Variants in CORO2A observed in about 807,000 individuals in gnomAD.
CORO2A encodes coronin 2A.
In CORO2A, 47 loss-of-function variants were observed where a neutral mutation model predicts 62.4. That is an observed-to-expected ratio of 0.75 (90% CI 0.60 to 0.96). The LOEUF is 0.96. Ranked by LOEUF, CORO2A falls within the 40% of genes least tolerant of loss-of-function variation. The pLI, the probability that CORO2A is intolerant of heterozygous loss-of-function variation, is 0.00. For synonymous variants in CORO2A, 273 were observed against 268.9 expected, an observed-to-expected ratio of 1.02 and a Z score of -0.15; for missense variants, 610 against 684.1, an observed-to-expected ratio of 0.89 and a Z score of 1.21.
In CORO2A at chr9:98,124,808, A is replaced by G; in HGVS notation, c.1544T>C (p.Ile515Thr). The change falls in exon 12 of 12, where the codon ATC becomes ACC. Residue 515 changes from isoleucine to threonine, a missense_variant. By Grantham distance (89) the Ile-to-Thr change is moderately conservative (BLOSUM62 -1). Transcript: ENST00000375077. ...EVQAKQLELE[I>T]KNLRMGSEQL ...CTCTGAGCCCATCCGCAAGTTTTTGATCTCCAGTTCCAACTGTTTGGCCTG... is the reference window on the plus strand; with the variant it reads ...CTCTGAGCCCATCCGCAAGTTTTTGGTCTCCAGTTCCAACTGTTTGGCCTG... 6.2e-7 allele frequency: 1 copy of G among 1,611,632 alleles called. No individual in the cohort carries two copies. The highest frequency in any genetic ancestry group is 8.5e-7 in the Non-Finnish European group (1 of 1,178,944).
intron 1 of CORO2A, among the ~76,000 whole-genome samples, chr9:98,180,002 C>CAAACA (rs148470079): frequency 0.089 from 13,415 of 151,572 alleles, 909 homozygotes; most frequent in East Asian, 0.2. Flanking sequence ...GACTCCATCT[C>CAAACA]AAACAAAACA....
intron 1 of CORO2A, among the ~76,000 whole-genome samples, chr9:98,188,667 G>A (rs1828267829): frequency 6.6e-6 from 1 of 152,192 alleles, no homozygotes; most frequent in African/African-American, 2.4e-5. Context: ...AGGAGGCTGA[G>A]GCATGAGAAT....
At chr9:98,125,649 TG>T (rs1827305073) in intron 11 of CORO2A, among the ~76,000 whole-genome samples, 1 of 151,148 alleles carries the variant, frequency 6.6e-6, no homozygotes, top group African/African-American at 2.4e-5. Context: ...ATGTCAGAAC[TG>T]GAAAGACTTT....
intron 1 of CORO2A, among the ~76,000 whole-genome samples, chr9:98,164,739 C>T (rs965918273): frequency 6.6e-6 from 1 of 152,162 alleles, no homozygotes; most frequent in Non-Finnish European, 1.5e-5. Flanking sequence ...GTGCTAGGAC[C>T]TAACAGTCTC....
intron 1 of CORO2A, among the ~76,000 whole-genome samples, chr9:98,178,207 C>T (rs112553109): frequency 0.04 from 6,149 of 152,102 alleles, 420 homozygotes; most frequent in African/African-American, 0.14. Flanking sequence ...CCACCATGCC[C>T]GGCTAATTAT....
At chr9:98,133,720 CG>C (rs1428508003) in intron 4 of CORO2A, among the ~76,000 whole-genome samples, 7 of 152,088 alleles carry the variant, frequency 4.6e-5, no homozygotes, top group Admixed American at 1.3e-4. Flanking sequence ...CGCTGTGGAT[CG>C]GAAGAGCGAG....
intron 2 of CORO2A, among the ~76,000 whole-genome samples, chr9:98,146,101 A>G (rs1041546734): frequency 6.6e-6 from 1 of 152,144 alleles, no homozygotes; most frequent in East Asian, 1.9e-4. Flanking sequence ...CCTCAGGCCC[A>G]TGTCCCCTCT....
chr9:98,183,840 G>A (rs1684783323), intron 1 of CORO2A, among the ~76,000 whole-genome samples: 1 of 152,114 alleles, frequency 6.6e-6, no homozygotes, highest in African/African-American at 2.4e-5. Context: ...GCATGCCTGT[G>A]ATCCCAGCTA....
At chr9:98,189,618 C>A (rs1828280312) in intron 1 of CORO2A, among the ~76,000 whole-genome samples, 1 of 152,198 alleles carries the variant, frequency 6.6e-6, no homozygotes, top group Admixed American at 6.5e-5. Context: ...AGTCTACCCC[C>A]ATTTCACAGA....
At chr9:98,129,566 C>T (rs1466137953) in intron 8 of CORO2A, among the ~76,000 whole-genome samples, 1 of 152,172 alleles carries the variant, frequency 6.6e-6, no homozygotes, top group Admixed American at 6.6e-5. Context: ...CTTTCAGTTC[C>T]TCCAATGTTG....
chr9:98,171,982 G>A (rs374945688), intron 1 of CORO2A, among the ~76,000 whole-genome samples: 10 of 151,946 alleles, frequency 6.6e-5, no homozygotes, highest in African/African-American at 2.4e-4. Flanking sequence ...CTCAACTTTG[G>A]GCTGGTATCG....
In CORO2A at chr9:98,134,965, G is replaced by A. The variant is rs1319636683; in HGVS notation, c.319-10C>T. On this transcript the variant is annotated splice_polypyrimidine_tract_variant and intron_variant, in intron 3 of 11. Coordinates refer to ENST00000375077, the MANE Select transcript of CORO2A (RefSeq NM_052820.4). ...TGCTCCAGATCTTAATCTGGCAGGG[G>A]AGACAGGGCCCAAGGCAGCATTAGC... 6.2e-7 allele frequency: 1 copy of A among 1,613,434 alleles called. No individual in the cohort carries two copies. The highest frequency in any genetic ancestry group is 1.3e-5 in the African/African-American group (1 of 74,918).
chr9:98,128,000 C>G (rs895004012), intron 10 of CORO2A, among the ~76,000 whole-genome samples, 170 bp downstream of exon 10: 1 of 152,076 alleles, frequency 6.6e-6, no homozygotes, highest in African/African-American at 2.4e-5. Flanking sequence ...CCCTGACTTT[C>G]TGGACCTGTA....
rs763123468 is a variant in CORO2A at position 98,133,069 on chromosome 9, A to G, written c.617T>C (p.Val206Ala). 6.2e-7 allele frequency: 1 copy of G among 1,614,116 alleles called. No homozygotes were observed. Among genetic ancestry groups the G allele is most frequent in the East Asian group, 2.2e-5 (1 of 44,876 alleles). ...ATTCKDRKIR[V>A]IDPRAGTVLQ... ...GACGGTCCCTGCTCGGGGGTCAATAACCCGAATCTTGCGGTCTTTGCAGGT... is the reference window on the plus strand; with the variant it reads ...GACGGTCCCTGCTCGGGGGTCAATAGCCCGAATCTTGCGGTCTTTGCAGGT... Residue 206 changes from valine (V) to alanine (A), a missense_variant, in exon 5 of 12, where the codon GTT (valine) becomes GCT (alanine). Transcript: ENST00000375077.
At chr9:98,156,794 A>G (rs1827811111) in intron 2 of CORO2A, among the ~76,000 whole-genome samples, 1 of 152,182 alleles carries the variant, frequency 6.6e-6, no homozygotes, top group Non-Finnish European at 1.5e-5. Flanking sequence ...TCCTGTCCAC[A>G]TTGTGGATGC....
At chr9:98,126,880 G>A (rs1383969106) in intron 10 of CORO2A, 57 bp from the exon 11 acceptor site, 1 of 1,585,378 alleles carries the variant, frequency 6.3e-7, no homozygotes, top group Non-Finnish European at 8.7e-7. Flanking sequence ...ATGGGCATAT[G>A]GGGCACCAAT....
chr9:98,162,347 A>T (rs1827897364), intron 1 of CORO2A, among the ~76,000 whole-genome samples: 1 of 152,206 alleles, frequency 6.6e-6, no homozygotes, highest in South Asian at 2.1e-4. Context: ...AAGGAAAATG[A>T]GGCCCAGGAA....
chr9:98,137,595 C>A lies in CORO2A; in HGVS notation c.295G>T (p.Ala99Ser), dbSNP rs141565492. 6.2e-7 allele frequency: 1 copy of A among 1,614,106 alleles called. No individual in the cohort carries two copies. The highest frequency in any genetic ancestry group is 8.5e-7 in the Non-Finnish European group (1 of 1,179,948). Reference sequence around the variant, plus strand: ...ACTGTGGCATCTTCAGAACAGGAGGCGATCTCAAAATCATCAAAAGGGTTC... The same window carrying A: ...ACTGTGGCATCTTCAGAACAGGAGGAGATCTCAAAATCATCAAAAGGGTTC... Reference protein sequence around the residue: ...KWNPFDDFEIASCSEDATIKI... With the variant: ...KWNPFDDFEISSCSEDATIKI... Residue 99 changes from alanine to serine, a missense_variant, in exon 3 of 12, where the codon GCC becomes TCC. Ala to Ser is a moderately conservative substitution (Grantham distance 99). Coordinates refer to ENST00000375077, the MANE Select transcript of CORO2A (RefSeq NM_052820.4).
intron 1 of CORO2A, among the ~76,000 whole-genome samples, chr9:98,172,424 C>T (rs1402076976): frequency 9.0e-6 from 1 of 111,114 alleles, no homozygotes; most frequent in African/African-American, 3.9e-5. Flanking sequence ...GCCCCACTTC[C>T]GAGCTCAGCC....
Sources: gnomAD v4.1 joint callset for allele counts (sites outside exome capture counted in the v4.1 genomes callset) on GRCh38, gnomAD v4.1.1 for gene constraint, MANE v1.5 for transcripts, NCBI Gene and HGNC (gene_info 2026-07-23, HGNC 2026-07-21) for gene names.